CTNNA3: variants seen among roughly 807,000 people sequenced by gnomAD.
CTNNA3 encodes the protein catenin alpha-3.
In CTNNA3, 76 loss-of-function variants were observed where a neutral mutation model predicts 95.7. The ratio of observed to expected loss-of-function variants is 0.79; its 90% CI spans 0.66 to 0.96. CTNNA3 has a LOEUF of 0.96. Ranked by LOEUF, CTNNA3 falls within the 40% of genes least tolerant of loss-of-function variation. The pLI is 0.00. For missense variants in CTNNA3, 1,191 were observed against 1,089.8 expected (o/e 1.09, Z -1.31); for synonymous variants, 431 against 374.4 (o/e 1.15, Z -1.74).
chr10:66,446,965 A>C (rs2093426992), intron 11 of CTNNA3, among the ~76,000 whole-genome samples: 1 of 151,850 alleles, frequency 6.6e-6, no homozygotes, highest in Non-Finnish European at 1.5e-5. Context: ...CTGATAAGCA[A>C]CTTCAGCAAA....
In CTNNA3 at chr10:66,344,210, G is replaced by C. The variant is rs542297737; in HGVS notation, c.1732+34942C>G. 1.3e-3 allele frequency among the ~76,000 whole-genome samples: 152 copies of C among 118,860 alleles called. 1 individual carries two copies. Among genetic ancestry groups the C allele is most frequent in the African/African-American group, 4.2e-3 (141 of 33,424 alleles). 78.0% of individuals were successfully genotyped at this position (118,860 alleles called of 152,430 possible). On this transcript the variant is annotated intron_variant, in intron 12 of 17. Coordinates refer to ENST00000433211, the MANE Select transcript of CTNNA3 (RefSeq NM_013266.4). ...CCATTGCACTCCAGCCTGGGGGACA[G>C]GGCGAGACTCCATCTCAAAAAAAAA... is the stretch of plus-strand genomic sequence containing the variant.
intron 5 of CTNNA3, among the ~76,000 whole-genome samples, chr10:67,442,562 T>C (rs1846561635): frequency 2.0e-5 from 3 of 152,078 alleles, no homozygotes; most frequent in South Asian, 2.1e-4. Context: ...AAGGAGTAGC[T>C]ATACTTACAT....
intron 9 of CTNNA3, among the ~76,000 whole-genome samples, chr10:66,644,763 G>T (rs1845647068): frequency 6.6e-6 from 1 of 151,900 alleles, no homozygotes; most frequent in Non-Finnish European, 1.5e-5. Context: ...AGTGTGGTAT[G>T]GGTGGGTGTG....
chr10:67,354,109 T>G (rs1842728866), intron 5 of CTNNA3, among the ~76,000 whole-genome samples: 1 of 151,994 alleles, frequency 6.6e-6, no homozygotes, highest in Non-Finnish European at 1.5e-5. Flanking sequence ...CTAGGAACAT[T>G]ACAAAAGTCT....
chr10:66,665,808 T>A (rs938057134), intron 9 of CTNNA3, among the ~76,000 whole-genome samples: 1 of 152,226 alleles, frequency 6.6e-6, no homozygotes, highest in Admixed American at 6.5e-5. Flanking sequence ...TTTTGTTTTA[T>A]AAATTTTTTC....
At chr10:67,355,612 C>T (rs1166835957) in intron 5 of CTNNA3, among the ~76,000 whole-genome samples, 2 of 148,286 alleles carry the variant, frequency 1.3e-5, no homozygotes, top group Non-Finnish European at 3.0e-5. Flanking sequence ...ATCAGCCTGA[C>T]AAGAAGTCAA....
intron 7 of CTNNA3, among the ~76,000 whole-genome samples, chr10:67,147,998 C>T (rs190642967): frequency 6.6e-6 from 1 of 152,232 alleles, no homozygotes; most frequent in Non-Finnish European, 1.5e-5. Context: ...ACATGGTTAT[C>T]ACCAGGAAGT....
intron 7 of CTNNA3, among the ~76,000 whole-genome samples, chr10:66,786,477 GA>G (rs1355537068): frequency 6.6e-6 from 1 of 152,100 alleles, no homozygotes; most frequent in East Asian, 1.9e-4. Flanking sequence ...CTAAGCTGTG[GA>G]AAATCAGCCC....
intron 5 of CTNNA3, among the ~76,000 whole-genome samples, chr10:67,343,797 C>G (rs1013422770): frequency 1.3e-5 from 2 of 151,704 alleles, no homozygotes; most frequent in Admixed American, 6.6e-5. Flanking sequence ...TGTTGAATAA[C>G]AGTGGTGGAA....
chr10:65,930,220 A>C (rs1047089590), intron 17 of CTNNA3, among the ~76,000 whole-genome samples: 32 of 149,194 alleles, frequency 2.1e-4, no homozygotes, highest in African/African-American at 6.6e-4. Context: ...AAAAAAAAAA[A>C]AAAAAACAGA....
chr10:65,938,974 C>G (rs945317449), intron 17 of CTNNA3, among the ~76,000 whole-genome samples: 1 of 151,858 alleles, frequency 6.6e-6, no homozygotes, highest in Non-Finnish European at 1.5e-5. Context: ...GCGATCTCGG[C>G]TCACTGCAAG....
At chr10:67,468,942 G>GCA (rs1374153696) in intron 5 of CTNNA3, among the ~76,000 whole-genome samples, 1 of 152,084 alleles carries the variant, frequency 6.6e-6, no homozygotes, top group East Asian at 1.9e-4. Flanking sequence ...ATTTTCATTT[G>GCA]TTTTGATGAG....
chr10:66,293,266 A>G (rs2091716720), intron 12 of CTNNA3, among the ~76,000 whole-genome samples: 1 of 152,184 alleles, frequency 6.6e-6, no homozygotes, highest in Admixed American at 6.5e-5. Flanking sequence ...TATTTATAAT[A>G]TGATTTCAAT....
At chr10:66,186,870 G>T (rs914690336) in intron 13 of CTNNA3, among the ~76,000 whole-genome samples, 2 of 152,112 alleles carry the variant, frequency 1.3e-5, no homozygotes, top group African/African-American at 4.8e-5. Context: ...GGACTCTGGA[G>T]ATTAAGCAAA....
At chr10:66,123,721 T>C (rs556726194) in intron 13 of CTNNA3, among the ~76,000 whole-genome samples, 1 of 152,302 alleles carries the variant, frequency 6.6e-6, no homozygotes, top group Admixed American at 6.5e-5. Flanking sequence ...ACCCAAATTC[T>C]TGACCTCTGT....
rs1246196640 is a variant in CTNNA3 at position 66,520,782 on chromosome 10, A to G, written c.1375-9T>C. 6.2e-7 allele frequency: 1 copy of G among 1,609,702 alleles called. No individual in the cohort carries two copies. The highest frequency in any genetic ancestry group is 8.5e-7 in the Non-Finnish European group (1 of 1,177,990). On this transcript the variant is annotated splice_polypyrimidine_tract_variant and intron_variant, in intron 10 of 17. Coordinates refer to ENST00000433211, the MANE Select transcript of CTNNA3 (RefSeq NM_013266.4). The stretch of plus-strand genomic sequence containing the variant: ...AGTGCAGCATTAATAATCTATAAAG[A>G]TAAGGATTGAAAAAATTACCTATTG...
chr10:66,746,585 C>T (rs1331644670), intron 9 of CTNNA3, among the ~76,000 whole-genome samples: 3 of 152,106 alleles, frequency 2.0e-5, no homozygotes, highest in African/African-American at 7.2e-5. Context: ...TTCACAACTA[C>T]TCTGTAAAGT....
intron 13 of CTNNA3, among the ~76,000 whole-genome samples, chr10:66,139,578 C>T (rs1367560043): frequency 6.6e-6 from 1 of 152,134 alleles, no homozygotes; most frequent in East Asian, 1.9e-4. Context: ...TTACAAGTCA[C>T]TTTTAGATTT....
intron 5 of CTNNA3, among the ~76,000 whole-genome samples, chr10:67,351,198 AG>A (rs1842625129): frequency 6.6e-6 from 1 of 151,878 alleles, no homozygotes; most frequent in African/African-American, 2.4e-5. Flanking sequence ...CAGGTGTTAA[AG>A]GTATGGGGAA....
Sources: allele counts gnomAD v4.1 joint callset (sites outside exome capture counted in the v4.1 genomes callset), GRCh38; gene constraint gnomAD v4.1.1; transcripts MANE v1.5; gene names NCBI Gene and HGNC (gene_info 2026-07-23, HGNC 2026-07-21).